TRIP4: variants seen among roughly 807,000 people sequenced by gnomAD.
The protein encoded by TRIP4 is thyroid hormone receptor interactor 4.
In TRIP4, 54 loss-of-function variants were observed where a neutral mutation model predicts 81.8. That is an observed-to-expected ratio of 0.66 (90% CI 0.53 to 0.83). TRIP4 has a LOEUF of 0.83. Ranked by LOEUF, TRIP4 falls within the 40% of genes least tolerant of loss-of-function variation. The probability of loss-of-function intolerance (pLI) is 0.00; values close to 1 mark genes in which losing one functional copy is unlikely to be tolerated. For synonymous variants in TRIP4, 270 were observed against 242.8 expected (o/e 1.11, Z -1.04); for missense variants, 662 against 683.6 (o/e 0.97, Z 0.35).
At chr15:64,440,084 T>TA (rs911713992) in intron 11 of TRIP4, among the ~76,000 whole-genome samples, 3 of 151,622 alleles carry the variant, frequency 2.0e-5, no homozygotes, top group Admixed American at 2.0e-4. Flanking sequence ...TTTAGTCCTC[T>TA]AAAAAAAATA....
chr15:64,454,936 G>A, intron 12 of TRIP4, 61 bp from the exon 13 acceptor site: 2 of 1,516,138 alleles, frequency 1.3e-6, no homozygotes, highest in East Asian at 2.3e-5. Flanking sequence ...CTGGGAGGCT[G>A]CAAAAGATTT....
intron 12 of TRIP4, among the ~76,000 whole-genome samples, chr15:64,445,757 T>C (rs1319338485): frequency 1.3e-5 from 2 of 152,072 alleles, no homozygotes; most frequent in East Asian, 1.9e-4. Context: ...AATAACTTTA[T>C]GTTAGGTTAA....
chr15:64,433,155 T>C (rs1250433208), intron 11 of TRIP4, among the ~76,000 whole-genome samples: 2 of 152,144 alleles, frequency 1.3e-5, no homozygotes, highest in Non-Finnish European at 2.9e-5. Context: ...GAAAGCTTGC[T>C]TCTAGCTGGG....
intron 12 of TRIP4, among the ~76,000 whole-genome samples, chr15:64,447,686 G>T (rs1175420588): frequency 6.6e-6 from 1 of 152,230 alleles, no homozygotes; most frequent in Admixed American, 6.5e-5. Flanking sequence ...CAGTAGCCCT[G>T]GAAATCCTTT....
At chr15:64,389,708 C>CTTT (rs368526429) in intron 1 of TRIP4, among the ~76,000 whole-genome samples, 18 of 127,268 alleles carry the variant, frequency 1.4e-4, no homozygotes, top group Admixed American at 3.2e-4. Flanking sequence ...AAAATTTTCA[C>CTTT]TTTTTTTTTT....
At chr15:64,424,977 A>G (rs1213406283) in intron 10 of TRIP4, among the ~76,000 whole-genome samples, 2 of 152,096 alleles carry the variant, frequency 1.3e-5, no homozygotes, top group Admixed American at 6.6e-5. Flanking sequence ...GGGTTTCACC[A>G]TGTTGGCCAG....
At position 64,401,935 on chromosome 15, in the gene TRIP4, A is replaced by G. The variant is rs78751249; in HGVS notation, c.697+1114A>G. 9.3e-3 allele frequency among the ~76,000 whole-genome samples: 1,422 copies of G among 152,342 alleles called. 22 individuals are homozygous for G. The highest frequency in any genetic ancestry group is 0.033 in the African/African-American group (1,366 of 41,584). On this transcript the variant is annotated intron_variant, in intron 5 of 12. Transcript: ENST00000261884. ...AAAGATTGAAGAAACGTCACAGATC[A>G]GAGTAGATTAAGGATATATATGACG...
chr15:64,423,107 AG>A (rs1892055892), intron 9 of TRIP4, among the ~76,000 whole-genome samples: 1 of 152,182 alleles, frequency 6.6e-6, no homozygotes, highest in Non-Finnish European at 1.5e-5. Flanking sequence ...TATTCTCTTT[AG>A]AGGTTTTTTC....
Position 64,448,612 on chromosome 15 carries a change from C to T in TRIP4, c.1678+3504C>T, listed in dbSNP as rs542367098. ...CTAAGTAGCTGGGACCACAGGCACG[C>T]GCCTCCATGCTTGGCTAATTTTTTG... On this transcript the variant is annotated intron_variant, in intron 12 of 12. Transcript: ENST00000261884. Among the ~76,000 whole-genome samples the T allele has an allele frequency of 2.6e-5, 4 of 152,196 alleles. No individual in the cohort carries two copies. The East Asian group carries it at 5.8e-4, about 22-fold the overall frequency.
At chr15:64,410,819 A>G (rs1891745736) in intron 7 of TRIP4, among the ~76,000 whole-genome samples, 1 of 152,192 alleles carries the variant, frequency 6.6e-6, no homozygotes, top group South Asian at 2.1e-4. Context: ...CATACTATAT[A>G]AGTAAGAACT....
At chr15:64,447,866 C>T (rs559742408) in intron 12 of TRIP4, among the ~76,000 whole-genome samples, 33 of 152,164 alleles carry the variant, frequency 2.2e-4, no homozygotes, top group Admixed American at 2.1e-3. Flanking sequence ...TATGTGCCAC[C>T]ACGCCCAGAT....
chr15:64,392,123 AAAAACAAAAC>A (rs747797679), intron 1 of TRIP4, among the ~76,000 whole-genome samples: 2 of 150,282 alleles, frequency 1.3e-5, no homozygotes, highest in African/African-American at 2.5e-5. Context: ...AAAAAAAAGC[AAAAACAAAAC>A]AAAACAAAAC....
intron 5 of TRIP4, 69 bp from the exon 6 acceptor site, chr15:64,406,261 T>G: frequency 6.4e-7 from 1 of 1,572,714 alleles, no homozygotes; most frequent in African/African-American, 1.4e-5. Context: ...TTTTGTTCTT[T>G]GTTGCACACT....
In TRIP4 at chr15:64,439,367, C is replaced by T. The variant is rs114380387; in HGVS notation, c.1576-5639C>T. Among the ~76,000 whole-genome samples the T allele has an allele frequency of 9.3e-3, 1,422 of 152,148 alleles. 23 individuals are homozygous for T. The highest frequency in any genetic ancestry group is 0.033 in the African/African-American group (1,363 of 41,490). On this transcript the variant is annotated intron_variant, in intron 11 of 12. Transcript: ENST00000261884. ...CTTCTTGGAGTTGGTTTTCAGCTAACGAGATTTCAGACCCTGATTTCATGT... is the reference window on the plus strand; with the variant it reads ...CTTCTTGGAGTTGGTTTTCAGCTAATGAGATTTCAGACCCTGATTTCATGT...
chr15:64,434,410 A>C (rs1892343926), intron 11 of TRIP4, among the ~76,000 whole-genome samples: 1 of 151,706 alleles, frequency 6.6e-6, no homozygotes, highest in East Asian at 1.9e-4. Flanking sequence ...AAGAAAAAAA[A>C]AAAAAAAATG....
intron 2 of TRIP4, among the ~76,000 whole-genome samples, 188 bp downstream of exon 2, chr15:64,394,303 A>C (rs1900223706): frequency 6.6e-6 from 1 of 152,112 alleles, no homozygotes; most frequent in African/African-American, 2.4e-5. Context: ...TTCTTTTTCA[A>C]CTTAGAAAAT....
At chr15:64,445,190 C>G (rs759251399) in intron 12 of TRIP4, 82 bp downstream of exon 12, 8 of 680,682 alleles carry the variant, frequency 1.2e-5, no homozygotes, top group African/African-American at 1.8e-5. Flanking sequence ...GGAGTTCAAT[C>G]TATAACTGAC....
intron 1 of TRIP4, among the ~76,000 whole-genome samples, chr15:64,391,801 C>G (rs1025670450): frequency 6.6e-6 from 1 of 151,074 alleles, no homozygotes; most frequent in African/African-American, 2.4e-5. Context: ...AAAACCTTGT[C>G]TCTACTAAAA....
intron 3 of TRIP4, among the ~76,000 whole-genome samples, chr15:64,396,605 G>C (rs1900302935): frequency 6.6e-6 from 1 of 152,102 alleles, no homozygotes; most frequent in South Asian, 2.1e-4. Context: ...CAATTTATGA[G>C]ATTCATCTCT....
Sources: gnomAD v4.1 joint callset for allele counts (sites outside exome capture counted in the v4.1 genomes callset) on GRCh38, gnomAD v4.1.1 for gene constraint, MANE v1.5 for transcripts, NCBI Gene and HGNC (gene_info 2026-07-23, HGNC 2026-07-21) for gene names.